Variants in TCOF1 observed in about 807,000 individuals in gnomAD.
TCOF1 encodes treacle protein.
TCOF1 carries 33 observed loss-of-function variants against 149.0 expected under a neutral mutation model. That is an observed-to-expected ratio of 0.22 (90% CI 0.17 to 0.30). The LOEUF (loss-of-function observed/expected upper bound fraction) is 0.30, where lower values mean the gene tolerates loss of function less well. TCOF1 is among the 10% of genes least tolerant of loss of function. The pLI, the probability that TCOF1 is intolerant of heterozygous loss-of-function variation, is 1.00. For synonymous variants in TCOF1, 789 were observed against 738.8 expected (o/e 1.07, Z -1.10); for missense variants, 1,728 against 1,840.7 (o/e 0.94, Z 1.12).
rs150143293 is a variant in TCOF1, at chr5:150,375,388, G to T, written c.1538G>T (p.Gly513Val). The change falls in exon 11 of 27, where the codon GGC becomes GTC. Residue 513 changes from glycine (G) to valine (V), a missense_variant. Transcript: ENST00000643257. The part of the protein sequence containing the change: ...SPQVKPASTM[G>V]MGPLGKGAGP... The stretch of plus-strand genomic sequence containing the variant: ...CAGGTGAAACCTGCCTCTACCATGG[G>T]CATGGGGCCCTTGGGGAAAGGCGCC... 2.0e-5 allele frequency: 33 copies of T among 1,612,436 alleles called. No individual in the cohort carries two copies. In the Middle Eastern group the frequency reaches 1.4e-3, roughly 67 times the overall value.
intron 11 of TCOF1, 25 bp from the exon 12 acceptor site, chr5:150,375,696 C>T: frequency 6.2e-7 from 1 of 1,614,192 alleles, no homozygotes; most frequent in Non-Finnish European, 8.5e-7. Context: ...GGCTCCCTCT[C>T]CCGATCCTGT....
intron 19 of TCOF1, 135 bp from the exon 20 acceptor site, chr5:150,391,409 C>G (rs376951293): frequency 2.6e-5 from 20 of 780,936 alleles, no homozygotes; most frequent in Middle Eastern, 4.7e-4. Context: ...AAGCCTGCCA[C>G]CAGTTTTGCC....
Position 150,364,216 on chromosome 5 carries a change from G to A in TCOF1, c.268G>A (p.Glu90Lys). ...DPISTSESSE[E>K]EEEAEAETAK... Reference sequence around the variant, plus strand: ...CATCAGCACCTCGGAGAGCTCGGAAGAGGAGGAAGAAGCAGAAGCCGAAAC... The same window carrying A: ...CATCAGCACCTCGGAGAGCTCGGAAAAGGAGGAAGAAGCAGAAGCCGAAAC... Residue 90 changes from glutamate to lysine, a missense_variant, in exon 3 of 27, where the codon GAG becomes AAG. This residue lies in a region of TCOF1 where 1,696 missense variants were observed against 1,765.4 expected (regional missense o/e 0.96). Coordinates refer to ENST00000643257, the MANE Select transcript of TCOF1 (RefSeq NM_001371623.1). 3 of 1,614,226 alleles carry A rather than the reference G, an allele frequency of 1.9e-6. No individual in the cohort carries two copies. Among genetic ancestry groups the A allele is most frequent in the Non-Finnish European group, 2.5e-6 (3 of 1,180,036 alleles).
intron 14 of TCOF1, among the ~76,000 whole-genome samples, chr5:150,378,129 C>T (rs1202175427): frequency 1.3e-5 from 2 of 152,284 alleles, no homozygotes; most frequent in East Asian, 3.9e-4. Context: ...GATTCTTCAC[C>T]TCATTTGACC....
Position 150,392,185 on chromosome 5 carries a change from G to A in TCOF1, c.3517+9G>A. ...GTCAGCCCACACGCTGGGTGAGGGTGCCAGGGGAAAGGCAAGGGTGGGCCA... is the reference window on the plus strand; with the variant it reads ...GTCAGCCCACACGCTGGGTGAGGGTACCAGGGGAAAGGCAAGGGTGGGCCA... On this transcript the variant is annotated intron_variant, in intron 21 of 26. Transcript: ENST00000643257. The A allele has an allele frequency of 6.2e-7, 1 of 1,612,890 alleles. No homozygotes were observed. The highest frequency in any genetic ancestry group is 8.5e-7 in the Non-Finnish European group (1 of 1,179,204).
chr5:150,371,367 C>T (rs1456280306), intron 6 of TCOF1, among the ~76,000 whole-genome samples: 1 of 152,184 alleles, frequency 6.6e-6, no homozygotes, highest in Non-Finnish European at 1.5e-5. Context: ...GGGAAGAAGA[C>T]CACTCCCAGC....
intron 5 of TCOF1, 29 bp downstream of exon 5, chr5:150,368,931 GT>G: frequency 6.2e-7 from 1 of 1,612,726 alleles, no homozygotes; most frequent in Non-Finnish European, 8.5e-7. Context: ...TAGGAACCTA[GT>G]CCCCAGAACT....
chr5:150,374,064 A>G, intron 7 of TCOF1, 110 bp from the exon 8 acceptor site: 1 of 1,209,900 alleles, frequency 8.3e-7, no homozygotes, highest in Non-Finnish European at 1.2e-6. Flanking sequence ...GTGGGGAGGG[A>G]AGCAGGGGAG....
At position 150,392,024 on chromosome 5, in the gene TCOF1, C is replaced by A. The variant is rs1225305905; in HGVS notation, c.3365C>A (p.Thr1122Asn). The change falls in exon 21 of 27, where the codon ACC becomes AAC. Residue 1122 changes from threonine (T) to asparagine (N), a missense_variant. This residue lies in a region of TCOF1 where 1,696 missense variants were observed against 1,765.4 expected (regional missense o/e 0.96). Coordinates refer to ENST00000643257, the MANE Select transcript of TCOF1 (RefSeq NM_001371623.1). ...PQSTSVQAKG[T>N]NKLRKPKLPE... Reference sequence around the variant, plus strand: ...AGCACCTCCGTCCAGGCCAAAGGGACCAACAAGCTCAGAAAACCTAAGCTT... The same window carrying A: ...AGCACCTCCGTCCAGGCCAAAGGGAACAACAAGCTCAGAAAACCTAAGCTT... 1 of 1,614,142 alleles carries A rather than the reference C, an allele frequency of 6.2e-7. No individual in the cohort carries two copies. Among genetic ancestry groups the A allele is most frequent in the East Asian group, 2.2e-5 (1 of 44,902 alleles).
intron 2 of TCOF1, among the ~76,000 whole-genome samples, chr5:150,363,619 T>C (rs1760659086): frequency 6.6e-6 from 1 of 151,832 alleles, no homozygotes; most frequent in Admixed American, 6.6e-5. Context: ...TAACAGGAGA[T>C]AGAGAAAAGC....
At position 150,398,540 on chromosome 5, in the gene TCOF1, C is replaced by A. The variant is rs1769068554; in HGVS notation, c.4443+89C>A. Reference sequence around the variant, plus strand: ...ACCCAGACCTGGTTCCTGCCCCCTTCCCATTTTCGGGGCCCAGTCGGGGGC... The same window carrying A: ...ACCCAGACCTGGTTCCTGCCCCCTTACCATTTTCGGGGCCCAGTCGGGGGC... On this transcript the variant is annotated intron_variant, in intron 25 of 26. Coordinates refer to ENST00000643257, the MANE Select transcript of TCOF1 (RefSeq NM_001371623.1). 4 of 1,593,354 alleles carry A rather than the reference C, an allele frequency of 2.5e-6. No homozygotes were observed. In the East Asian group the frequency reaches 8.9e-5, roughly 36 times the overall value.
intron 19 of TCOF1, among the ~76,000 whole-genome samples, chr5:150,390,373 C>A (rs1390935739): frequency 6.6e-6 from 1 of 152,164 alleles, no homozygotes; most frequent in African/African-American, 2.4e-5. Flanking sequence ...ATAGTGACTT[C>A]AGCATTCTTC....
Position 150,385,113 on chromosome 5 carries a change from A to G in TCOF1, c.2860-2789A>G, listed in dbSNP as rs370743635. The G allele has an allele frequency of 1.9e-5, 19 of 979,862 alleles. No homozygotes were observed. In the African/African-American group the frequency reaches 2.6e-4, roughly 14 times the overall value. 60.7% of individuals were successfully genotyped at this position (979,862 alleles called of 1,614,324 possible). On this transcript the variant is annotated intron_variant, in intron 17 of 26. Coordinates refer to ENST00000643257, the MANE Select transcript of TCOF1 (RefSeq NM_001371623.1). ...ACTTAATTTAGCTATTCCACAATGT[A>G]TATGTGTATCAAAACATCATGTTAT...
In TCOF1 at chr5:150,398,515, A is replaced by G. The variant is rs1427462554; in HGVS notation, c.4443+64A>G. The G allele has an allele frequency of 3.7e-6, 6 of 1,610,170 alleles. No homozygotes were observed. In the East Asian group the frequency reaches 1.3e-4, roughly 36 times the overall value. ...CCCAAACCCAAGCCCCCTCCTACACACCCAGACCTGGTTCCTGCCCCCTTC... is the reference window on the plus strand; with the variant it reads ...CCCAAACCCAAGCCCCCTCCTACACGCCCAGACCTGGTTCCTGCCCCCTTC... On this transcript the variant is annotated intron_variant, in intron 25 of 26. Coordinates refer to ENST00000643257, the MANE Select transcript of TCOF1 (RefSeq NM_001371623.1).
intron 24 of TCOF1, among the ~76,000 whole-genome samples, chr5:150,397,153 CAAAAAAAAAA>C (rs58246300): frequency 1.1e-5 from 1 of 88,720 alleles, no homozygotes; most frequent in Admixed American, 1.4e-4. Flanking sequence ...GCAAGACTGT[CAAAAAAAAAA>C]AAAAAAAAAA....
chr5:150,368,637 T>C (rs1256479599), intron 4 of TCOF1, 79 bp from the exon 5 acceptor site: 3 of 1,536,910 alleles, frequency 2.0e-6, no homozygotes, highest in African/African-American at 1.4e-5. Flanking sequence ...AGTGGTAAGA[T>C]TGGGTTCAGA....
At chr5:150,371,795 C>T (rs898833220) in intron 6 of TCOF1, among the ~76,000 whole-genome samples, 1 of 152,138 alleles carries the variant, frequency 6.6e-6, no homozygotes, top group African/African-American at 2.4e-5. Flanking sequence ...GGGGCTCTGT[C>T]CCTTCATATT....
chr5:150,374,455 TC>T (rs1311607870), intron 8 of TCOF1, 69 bp downstream of exon 8: 6 of 1,548,732 alleles, frequency 3.9e-6, no homozygotes, highest in African/African-American at 1.4e-5. Flanking sequence ...GGACTTGTTC[TC>T]CCACTCTGGG....
Position 150,374,786 on chromosome 5 carries a change from A to G in TCOF1, c.1253A>G (p.Asp418Gly), listed in dbSNP as rs1179753647. ...TCGCAGAGCAGCAGCGAGGAATCGGACAGTGAGGAGGAGGCGCCTGCTCAG... is the reference window on the plus strand; with the variant it reads ...TCGCAGAGCAGCAGCGAGGAATCGGGCAGTGAGGAGGAGGCGCCTGCTCAG... ...EDSQSSSEESDSEEEAPAQAK... is the reference protein window; with the variant it reads ...EDSQSSSEESGSEEEAPAQAK... The change falls in exon 9 of 27, where the codon GAC (aspartate) becomes GGC (glycine). Residue 418 changes from aspartate to glycine, a missense_variant. Asp to Gly is a moderately conservative substitution (Grantham distance 94). Transcript: ENST00000643257. The G allele has an allele frequency of 6.2e-7, 1 of 1,611,836 alleles. No individual in the cohort carries two copies. The highest frequency in any genetic ancestry group is 1.7e-5 in the Admixed American group (1 of 59,514).
Sources: allele counts gnomAD v4.1 joint callset (sites outside exome capture counted in the v4.1 genomes callset), GRCh38; gene constraint gnomAD v4.1.1; regional missense constraint gnomAD v4.1.1; transcripts MANE v1.5; gene names NCBI Gene and HGNC (gene_info 2026-07-23, HGNC 2026-07-21).